Variants in EVA1A observed in about 807,000 individuals in gnomAD.
The protein encoded by EVA1A is protein eva-1 homolog A.
EVA1A carries 7 observed loss-of-function variants against 9.8 expected under a neutral mutation model. That is an observed-to-expected ratio of 0.71 (90% CI 0.41 to 1.34). The LOEUF (loss-of-function observed/expected upper bound fraction) is 1.34, where lower values mean the gene tolerates loss of function less well. EVA1A is among the 40% of genes most tolerant of loss of function. The pLI is 0.01. For missense variants in EVA1A, 206 were observed against 205.9 expected, an observed-to-expected ratio of 1.00 and a Z score of 0.00; for synonymous variants, 90 against 85.6, an observed-to-expected ratio of 1.05 and a Z score of -0.28.
intron 1 of EVA1A, among the ~76,000 whole-genome samples, chr2:75,554,527 A>G (rs1380097292): frequency 6.6e-6 from 1 of 152,192 alleles, no homozygotes; most frequent in Non-Finnish European, 1.5e-5. Flanking sequence ...TCGAAAGCAG[A>G]TTTTCTAAAA....
chr2:75,499,383 G>A (rs1674329885), intron 3 of EVA1A, among the ~76,000 whole-genome samples: 1 of 152,174 alleles, frequency 6.6e-6, no homozygotes, highest in South Asian at 2.1e-4. Context: ...CTCAGAGAGT[G>A]CAGAATTGGA....
intron 1 of EVA1A, among the ~76,000 whole-genome samples, chr2:75,539,179 G>A (rs1676025417): frequency 6.6e-6 from 1 of 152,116 alleles, no homozygotes; most frequent in African/African-American, 2.4e-5. Flanking sequence ...AGGATATTAG[G>A]GGAAATATCC....
intron 1 of EVA1A, among the ~76,000 whole-genome samples, chr2:75,533,960 C>T (rs1262570678): frequency 2.0e-5 from 3 of 151,772 alleles, no homozygotes; most frequent in Admixed American, 6.6e-5. Flanking sequence ...TACAGGCGCC[C>T]GCCACCACGC....
intron 1 of EVA1A, among the ~76,000 whole-genome samples, chr2:75,558,952 C>A (rs1047525595): frequency 1.3e-5 from 2 of 152,170 alleles, no homozygotes; most frequent in African/African-American, 2.4e-5. Flanking sequence ...AATATAGCCG[C>A]ATGACCTGCT....
chr2:75,549,118 C>T (rs1042666285), intron 1 of EVA1A, among the ~76,000 whole-genome samples: 12 of 151,686 alleles, frequency 7.9e-5, no homozygotes, highest in Non-Finnish European at 1.5e-4. Context: ...CTTTTGCACC[C>T]TGCCACAATC....
chr2:75,527,307 G>A (rs1471155135), intron 1 of EVA1A, among the ~76,000 whole-genome samples: 1 of 152,184 alleles, frequency 6.6e-6, no homozygotes, highest in Non-Finnish European at 1.5e-5. Context: ...GGGGAGAGAT[G>A]AGACTTTCAT....
chr2:75,503,906 C>T (rs1198876180), intron 3 of EVA1A, among the ~76,000 whole-genome samples: 1 of 152,128 alleles, frequency 6.6e-6, no homozygotes, highest in African/African-American at 2.4e-5. Flanking sequence ...ACTTGGGCAA[C>T]AGACACCCTA....
In EVA1A at chr2:75,518,189, G is replaced by A; in HGVS notation, c.-49C>T. ...GGAGGTGCTTGGCTGAATCAACGTGGCCACTCTCCTTCTTCTCTTCTGTTT... is the reference window on the plus strand; with the variant it reads ...GGAGGTGCTTGGCTGAATCAACGTGACCACTCTCCTTCTTCTCTTCTGTTT... On this transcript the variant is annotated 5_prime_UTR_variant, in exon 3 of 4. Coordinates refer to ENST00000393913, the MANE Select transcript of EVA1A (RefSeq NM_001135032.2). The A allele has an allele frequency of 6.2e-7, 1 of 1,603,476 alleles. No individual in the cohort carries two copies. Among genetic ancestry groups the A allele is most frequent in the Non-Finnish European group, 8.5e-7 (1 of 1,176,128 alleles).
chr2:75,540,150 C>T (rs948867107), intron 1 of EVA1A, among the ~76,000 whole-genome samples: 10 of 152,206 alleles, frequency 6.6e-5, no homozygotes, highest in African/African-American at 2.4e-4. Flanking sequence ...CCCCTGCTAT[C>T]AAGGGCAAAG....
intron 3 of EVA1A, among the ~76,000 whole-genome samples, chr2:75,503,551 A>G (rs1413844615): frequency 6.6e-6 from 1 of 152,220 alleles, no homozygotes; most frequent in Non-Finnish European, 1.5e-5. Context: ...AGCAGCAGCC[A>G]GCCCAGACCA....
At chr2:75,559,373 G>A (rs1008339215) in intron 1 of EVA1A, among the ~76,000 whole-genome samples, 5 of 152,286 alleles carry the variant, frequency 3.3e-5, no homozygotes, top group Middle Eastern at 3.4e-3. Context: ...TACAGATGAG[G>A]AAATCCAGCT....
intron 3 of EVA1A, among the ~76,000 whole-genome samples, chr2:75,515,226 G>T (rs575900003): frequency 1.3e-5 from 2 of 151,798 alleles, no homozygotes; most frequent in African/African-American, 4.9e-5. Flanking sequence ...TTTTCCCCTA[G>T]TTTGACACTT....
chr2:75,510,972 C>G (rs943379582), intron 3 of EVA1A, among the ~76,000 whole-genome samples: 1 of 152,214 alleles, frequency 6.6e-6, no homozygotes, highest in Non-Finnish European at 1.5e-5. Flanking sequence ...TTGTCTATGT[C>G]TGCTCTCGTG....
At chr2:75,530,889 G>C (rs920692135) in intron 1 of EVA1A, among the ~76,000 whole-genome samples, 5 of 151,622 alleles carry the variant, frequency 3.3e-5, no homozygotes, top group African/African-American at 1.2e-4. Flanking sequence ...CATAGTACTG[G>C]AAGTCCTAGC....
At chr2:75,536,851 G>C (rs1675924366) in intron 1 of EVA1A, among the ~76,000 whole-genome samples, 1 of 151,978 alleles carries the variant, frequency 6.6e-6, no homozygotes, top group South Asian at 2.1e-4. Context: ...AGGCCTAGAT[G>C]GTTTCACTAG....
rs537983891 is a variant in EVA1A, at chr2:75,498,512, C to A, written c.86-4903G>T. 1.9e-3 allele frequency among the ~76,000 whole-genome samples: 282 copies of A among 152,104 alleles called. 6 individuals carry two copies. Among genetic ancestry groups the A allele is most frequent in the African/African-American group, 6.6e-3 (273 of 41,492 alleles). ...TAAAAAAAACCCCAAAAAACAGAAA[C>A]AAAAAACTAATAAGGGAGGGATATG... On this transcript the variant is annotated intron_variant, in intron 3 of 3. Transcript: ENST00000393913.
At chr2:75,534,853 T>C (rs911387050) in intron 1 of EVA1A, among the ~76,000 whole-genome samples, 1 of 152,182 alleles carries the variant, frequency 6.6e-6, no homozygotes, top group Non-Finnish European at 1.5e-5. Context: ...TTTTCCTAGG[T>C]TTTCTTCTAG....
intron 3 of EVA1A, among the ~76,000 whole-genome samples, chr2:75,508,783 G>A (rs996157806): frequency 1.3e-5 from 2 of 152,014 alleles, no homozygotes; most frequent in East Asian, 1.9e-4. Context: ...TGTCTCCCCC[G>A]GATGCCCAGC....
chr2:75,556,117 A>T (rs1437066694), intron 1 of EVA1A, among the ~76,000 whole-genome samples: 11 of 152,232 alleles, frequency 7.2e-5, no homozygotes. Flanking sequence ...ACCTGCACAG[A>T]GCTACGTATT....
Sources: gnomAD v4.1 joint callset for allele counts (sites outside exome capture counted in the v4.1 genomes callset) on GRCh38, gnomAD v4.1.1 for gene constraint, MANE v1.5 for transcripts, NCBI Gene and HGNC (gene_info 2026-07-23, HGNC 2026-07-21) for gene names.